LINGO2: variants seen among roughly 807,000 people sequenced by gnomAD.
LINGO2 encodes leucine rich repeat and Ig domain containing 2.
Under a neutral mutation model 30.6 loss-of-function variants are expected in LINGO2, and 14 were observed. The ratio of observed to expected loss-of-function variants is 0.46; its 90% CI spans 0.30 to 0.72. The LOEUF is 0.72. Ranked by LOEUF, LINGO2 falls within the 30% of genes least tolerant of loss-of-function variation. LINGO2 has a pLI of 0.07. For missense variants in LINGO2, 729 were observed against 751.7 expected (o/e 0.97, Z 0.35); for synonymous variants, 317 against 288.5 (o/e 1.10, Z -1.00).
the LINGO2 span, among the ~76,000 whole-genome samples, chr9:29,134,188 T>C: frequency 0.24 from 37,044 of 151,922 alleles, 4,691 homozygotes; most frequent in East Asian, 0.44. Context: ...TAAAGCTACA[T>C]AAAATCCTTT....
intron 1 of LINGO2, among the ~76,000 whole-genome samples, chr9:28,497,028 G>A (rs1246227896): frequency 8.5e-5 from 13 of 152,178 alleles, no homozygotes; most frequent in Non-Finnish European, 1.2e-4. Context: ...CAAGAGATCC[G>A]CAGCTAGTCT....
At chr9:29,069,104 G>A in the LINGO2 span, among the ~76,000 whole-genome samples, 1 of 151,798 alleles carries the variant, frequency 6.6e-6, no homozygotes, top group Admixed American at 6.6e-5. Flanking sequence ...ACAATTATAT[G>A]TATCCATTGT....
chr9:28,091,302 T>C (rs181616863), intron 4 of LINGO2, among the ~76,000 whole-genome samples: 43 of 152,322 alleles, frequency 2.8e-4, no homozygotes, highest in Admixed American at 2.1e-3. Context: ...TCATGCTACC[T>C]GACTTCAAAC....
At chr9:29,009,690 C>G in the LINGO2 span, among the ~76,000 whole-genome samples, 52 of 152,082 alleles carry the variant, frequency 3.4e-4, no homozygotes, top group African/African-American at 1.2e-3. Flanking sequence ...CTTTAAAGTT[C>G]ATATGGAACC....
At chr9:29,100,895 G>A in the LINGO2 span, among the ~76,000 whole-genome samples, 1 of 151,936 alleles carries the variant, frequency 6.6e-6, no homozygotes, top group African/African-American at 2.4e-5. Context: ...TAAAAATTAA[G>A]ACAGAAGAAA....
the LINGO2 span, among the ~76,000 whole-genome samples, chr9:29,143,908 C>T: frequency 2.0e-5 from 3 of 152,100 alleles, no homozygotes; most frequent in East Asian, 1.9e-4. Context: ...TTGGGTTGCA[C>T]ATTAAAGTAT....
chr9:28,941,701 C>G, the LINGO2 span, among the ~76,000 whole-genome samples: 1 of 152,090 alleles, frequency 6.6e-6, no homozygotes, highest in Non-Finnish European at 1.5e-5. Flanking sequence ...AAGTTGACAT[C>G]AAAAACAAAT....
intron 4 of LINGO2, among the ~76,000 whole-genome samples, chr9:28,273,741 A>C (rs1009974538): frequency 3.9e-5 from 6 of 152,214 alleles, no homozygotes; most frequent in African/African-American, 1.4e-4. Flanking sequence ...AAACAGTAAA[A>C]CCAAGACTTA....
the LINGO2 span, among the ~76,000 whole-genome samples, chr9:29,188,741 C>T: frequency 2.9e-5 from 4 of 139,140 alleles, no homozygotes; most frequent in Non-Finnish European, 6.4e-5. Flanking sequence ...GGCGGCTGGC[C>T]GGGCAGAGGG....
At chr9:29,096,116 G>A in the LINGO2 span, among the ~76,000 whole-genome samples, 1 of 138,276 alleles carries the variant, frequency 7.2e-6, no homozygotes, top group Non-Finnish European at 1.6e-5. Flanking sequence ...TTTGTGTGAT[G>A]CATATTTTAA....
the LINGO2 span, among the ~76,000 whole-genome samples, chr9:29,213,285 A>C: frequency 1.3e-5 from 2 of 151,930 alleles, no homozygotes; most frequent in African/African-American, 4.8e-5. Flanking sequence ...TCTCTCGATA[A>C]TGCCCCTCCC....
the LINGO2 span, among the ~76,000 whole-genome samples, chr9:28,799,537 T>A: frequency 1.2e-4 from 18 of 152,092 alleles, no homozygotes; most frequent in African/African-American, 4.3e-4. Flanking sequence ...GAAGGAAAAG[T>A]AGCAGGGTTT....
At chr9:29,104,158 T>G in the LINGO2 span, among the ~76,000 whole-genome samples, 2 of 152,136 alleles carry the variant, frequency 1.3e-5, no homozygotes, top group African/African-American at 2.4e-5. Context: ...TAACATACAC[T>G]GGGTGAATTA....
At chr9:28,994,137 A>G in the LINGO2 span, among the ~76,000 whole-genome samples, 1 of 152,104 alleles carries the variant, frequency 6.6e-6, no homozygotes, top group Non-Finnish European at 1.5e-5. Flanking sequence ...TCAGCCCAAA[A>G]TCTCCTTAAG....
At chr9:28,486,296 T>C (rs532410884) in intron 1 of LINGO2, among the ~76,000 whole-genome samples, 1 of 152,250 alleles carries the variant, frequency 6.6e-6, no homozygotes, top group South Asian at 2.1e-4. Context: ...CGTGTGGCAA[T>C]TTCTTACACA....
chr9:28,515,931 A>G (rs1358084221), intron 1 of LINGO2, among the ~76,000 whole-genome samples: 2 of 152,158 alleles, frequency 1.3e-5, no homozygotes, highest in Admixed American at 1.3e-4. Context: ...TATTTTAAAG[A>G]AATTGCCGCA....
chr9:29,093,820 A>T, the LINGO2 span, among the ~76,000 whole-genome samples: 1 of 137,952 alleles, frequency 7.2e-6, no homozygotes, highest in African/African-American at 2.7e-5. Context: ...AAATAGTGGA[A>T]ATTGAACTTT....
the LINGO2 span, among the ~76,000 whole-genome samples, chr9:29,073,156 A>G: frequency 1.3e-5 from 2 of 152,086 alleles, no homozygotes; most frequent in African/African-American, 4.8e-5. Context: ...ATTAGAAAAG[A>G]AAAAAATATA....
intron 1 of LINGO2, among the ~76,000 whole-genome samples, chr9:28,512,821 G>A (rs1820465353): frequency 6.6e-6 from 1 of 151,096 alleles, no homozygotes; most frequent in African/African-American, 2.4e-5. Flanking sequence ...GATGTTTGAG[G>A]GCAGGAAGCA....
Sources: gnomAD v4.1 joint callset for allele counts (sites outside exome capture counted in the v4.1 genomes callset) on GRCh38, gnomAD v4.1.1 for gene constraint, MANE v1.5 for transcripts, NCBI Gene and HGNC (gene_info 2026-07-23, HGNC 2026-07-21) for gene names.